Variants in CATSPER1 observed in about 807,000 individuals in gnomAD.
The protein encoded by CATSPER1 is cation channel sperm-associated protein 1.
CATSPER1 carries 57 observed loss-of-function variants against 72.7 expected under a neutral mutation model. The ratio of observed to expected loss-of-function variants is 0.78; its 90% confidence interval spans 0.63 to 0.98. CATSPER1 has a LOEUF of 0.98. Among genes scored for constraint, CATSPER1 ranks in the 50% least tolerant of loss-of-function variants. The pLI, the probability that CATSPER1 is intolerant of heterozygous loss-of-function variation, is 0.00. For missense variants in CATSPER1, 910 were observed against 1,033.9 expected, an observed-to-expected ratio of 0.88 and a Z score of 1.64; for synonymous variants, 363 against 403.0, an observed-to-expected ratio of 0.90 and a Z score of 1.19.
intron 2 of CATSPER1, among the ~76,000 whole-genome samples, 179 bp downstream of exon 2, chr11:66,022,669 GC>G (rs1856399836): frequency 6.6e-6 from 1 of 152,270 alleles, no homozygotes; most frequent in African/African-American, 2.4e-5. Context: ...TCTGTCTCGG[GC>G]CGGCCTCAGC....
At chr11:66,024,271 G>GTTT (rs796751086) in intron 1 of CATSPER1, among the ~76,000 whole-genome samples, 11 of 110,592 alleles carry the variant, frequency 9.9e-5, no homozygotes, top group South Asian at 5.1e-4. Context: ...CAGCCTATTT[G>GTTT]TTTTTTTTTT....
In CATSPER1 at chr11:66,021,613, T is replaced by C. The variant is rs1856371237; in HGVS notation, c.1574A>G (p.Asp525Gly). Residue 525 changes from aspartate to glycine, a missense_variant, in exon 4 of 12, where the codon GAC (aspartate) becomes GGC (glycine). Transcript: ENST00000312106. ...DFFIMAMAVLDFLLMQTHSFA... is the reference protein window; with the variant it reads ...DFFIMAMAVLGFLLMQTHSFA... Reference sequence around the variant, plus strand: ...GGAGTGGGTCTGCATCAGCAAGAAGTCCAGCACGGCCATGGCCATAATGAA... The same window carrying C: ...GGAGTGGGTCTGCATCAGCAAGAAGCCCAGCACGGCCATGGCCATAATGAA... The C allele has an allele frequency of 6.2e-7, 1 of 1,609,752 alleles. No homozygotes were observed. Among genetic ancestry groups the C allele is most frequent in the Admixed American group, 1.7e-5 (1 of 59,068 alleles).
In CATSPER1 at chr11:66,021,896, G is replaced by T. The variant is rs766140407; in HGVS notation, c.1430-17C>A. ...AGTACCACTCTGCAGGAACACAGGG[G>T]TGCACTCAGAGCTGTCCCCAGCACC... is the stretch of plus-strand genomic sequence containing the variant. On this transcript the variant is annotated splice_polypyrimidine_tract_variant and intron_variant, in intron 2 of 11. Transcript: ENST00000312106. 7.6e-6 allele frequency: 12 copies of T among 1,586,144 alleles called. No homozygotes were observed. The highest frequency in any genetic ancestry group is 1.1e-5 in the South Asian group (1 of 90,524).
At chr11:66,019,641 G>T (rs1338449988) in intron 9 of CATSPER1, among the ~76,000 whole-genome samples, 2 of 151,970 alleles carry the variant, frequency 1.3e-5, no homozygotes, top group African/African-American at 4.8e-5. Flanking sequence ...TGCAATCTCA[G>T]CACTTTGGGA....
intron 10 of CATSPER1, among the ~76,000 whole-genome samples, chr11:66,018,494 A>T (rs1487137570): frequency 6.6e-6 from 1 of 152,088 alleles, no homozygotes; most frequent in Non-Finnish European, 1.5e-5. Flanking sequence ...AGGTCTTTAG[A>T]GGTGGGGTCC....
In CATSPER1 at chr11:66,025,516, G is replaced by A; in HGVS notation, c.864C>T (p.His288=). 1 of 1,606,146 alleles carries A rather than the reference G, an allele frequency of 6.2e-7. No homozygotes were observed. Among genetic ancestry groups the A allele is most frequent in the South Asian group, 1.1e-5 (1 of 89,842 alleles). The change falls in exon 1 of 12, where the codon CAC becomes CAT. Residue 288 remains histidine (H), a synonymous_variant. Transcript: ENST00000312106. ...GGTGCCGGTGGGTCTGGTGGTAGTG[G>A]TGCTGTGTGTGGTGGGGATGGTCGC... The part of the protein sequence containing the change: ...HHGDHPHHTQ[H]HYHQTHRHRD...
intron 1 of CATSPER1, 142 bp downstream of exon 1, chr11:66,025,022 C>G: frequency 2.1e-6 from 2 of 962,238 alleles, no homozygotes; most frequent in Non-Finnish European, 3.3e-6. Flanking sequence ...CATGAACAGT[C>G]AGGAGAGTGA....
chr11:66,020,515 G>A lies in CATSPER1; in HGVS notation c.1991+49C>T, dbSNP rs766178918. On this transcript the variant is annotated intron_variant, in intron 7 of 11. Transcript: ENST00000312106. This position sits in a 1 kb window ranked among gnomAD's most constrained non-coding sequence, Gnocchi z 4.5. ...GCTGGGGTAAGGGTCCCAGGGGAGA[G>A]GAGGAAGTGTGGGTGGTGCTGGGCA... 1.9e-6 allele frequency: 3 copies of A among 1,598,546 alleles called. No individual in the cohort carries two copies. Among genetic ancestry groups the A allele is most frequent in the East Asian group, 4.5e-5 (2 of 44,798 alleles).
intron 9 of CATSPER1, among the ~76,000 whole-genome samples, chr11:66,019,511 A>T (rs943936275): frequency 1.3e-5 from 2 of 152,026 alleles, no homozygotes; most frequent in African/African-American, 4.8e-5. Context: ...TGCTGACCTC[A>T]GGTGATCCGC....
rs1856344079 is a variant in CATSPER1, at chr11:66,020,683, G to A, written c.1928-56C>T. ...GGCTGTGCTCGCCACCCCCAACCAC[G>A]ACCTGCTCCCTTCCCATACCCGGAC... On this transcript the variant is annotated intron_variant, in intron 6 of 11. Coordinates refer to ENST00000312106, the MANE Select transcript of CATSPER1 (RefSeq NM_053054.4). The surrounding 1 kb of genome is among the most constrained non-coding windows in gnomAD (Gnocchi z 4.5). The A allele has an allele frequency of 2.8e-5, 45 of 1,594,544 alleles. 1 individual carries two copies. The South Asian group carries it at 4.2e-4, about 15-fold the overall frequency.
intron 2 of CATSPER1, 124 bp from the exon 3 acceptor site, chr11:66,022,003 C>A: frequency 1.3e-6 from 1 of 757,320 alleles, no homozygotes; most frequent in South Asian, 1.4e-5. Context: ...AGCAGCTGCG[C>A]GACTTCACTA....
intron 10 of CATSPER1, among the ~76,000 whole-genome samples, chr11:66,018,589 C>A (rs1397128907): frequency 2.6e-5 from 4 of 152,176 alleles, no homozygotes; most frequent in Non-Finnish European, 4.4e-5. Flanking sequence ...GGGGATGGTT[C>A]TGGGGTGAAG....
Position 66,025,166 on chromosome 11 carries a change from T to C in CATSPER1, c.1214A>G (p.Lys405Arg). Residue 405 changes from lysine (K) to arginine (R), a missense_variant and splice_region_variant, in exon 1 of 12, where the codon AAA (lysine) becomes AGA (arginine). Lys to Arg is a conservative substitution (Grantham distance 26). Transcript: ENST00000312106. ...GKEEGQFQKRKTGRLQRTRKK... is the reference protein window; with the variant it reads ...GKEEGQFQKRRTGRLQRTRKK... ...TGGGGGGCCCAGCAAAGACTCACTT[T>C]TGCGTTTCTGAAATTGCCCTTCTTC... 1 of 1,614,112 alleles carries C rather than the reference T, an allele frequency of 6.2e-7. No homozygotes were observed. The highest frequency in any genetic ancestry group is 1.1e-5 in the South Asian group (1 of 91,042).
At chr11:66,017,018 G>T in intron 11 of CATSPER1, 42 bp downstream of exon 11, 1 of 1,612,468 alleles carries the variant, frequency 6.2e-7, no homozygotes, top group Non-Finnish European at 8.5e-7. Context: ...CAAGCCCCTG[G>T]GGTTCCCCTC....
intron 4 of CATSPER1, 42 bp from the exon 5 acceptor site, chr11:66,021,227 CG>C: frequency 1.3e-6 from 2 of 1,570,230 alleles, no homozygotes; most frequent in Non-Finnish European, 1.7e-6. Flanking sequence ...CGGTGAGGGG[CG>C]GGGGTGTGTG....
chr11:66,020,245 C>A lies in CATSPER1; in HGVS notation c.2065-45G>T. ...GATCTGCCAGAGTCCCAGGCCTGCT[C>A]AACCCTGGAGGCCCCTGGCCTCACT... On this transcript the variant is annotated intron_variant, in intron 8 of 11. Transcript: ENST00000312106. This position sits in a 1 kb window ranked among gnomAD's most constrained non-coding sequence, Gnocchi z 4.5. 6.2e-7 allele frequency: 1 copy of A among 1,614,020 alleles called. No individual in the cohort carries two copies. The highest frequency in any genetic ancestry group is 8.5e-7 in the Non-Finnish European group (1 of 1,179,900).
rs372307795 is a variant in CATSPER1 at position 66,026,055 on chromosome 11, G to T, written c.325C>A (p.Arg109Ser). The change falls in exon 1 of 12, where the codon CGT becomes AGT. Residue 109 changes from arginine to serine, a missense_variant. Arg to Ser is a moderately radical substitution (Grantham distance 110). Coordinates refer to ENST00000312106, the MANE Select transcript of CATSPER1 (RefSeq NM_053054.4). The stretch of plus-strand genomic sequence containing the variant: ...TCATGGTAGTCCTCACCGTAGGAAC[G>T]GTGGGAGGGGACGGCGCCTTGAGAG... The part of the protein sequence containing the change: ...APSQGAVPSH[R>S]SYGEDYHDEL... 1.9e-6 allele frequency: 3 copies of T among 1,613,982 alleles called. No homozygotes were observed. In the Admixed American group the frequency reaches 5.0e-5, roughly 27 times the overall value.
chr11:66,017,982 T>C (rs1353022183), intron 10 of CATSPER1, among the ~76,000 whole-genome samples: 26 of 152,150 alleles, frequency 1.7e-4, no homozygotes, highest in Admixed American at 1.7e-3. Context: ...GTGGATCATT[T>C]GAGGTCAGGA....
In CATSPER1 at chr11:66,020,235, C is replaced by T. The variant is rs1356084138; in HGVS notation, c.2065-35G>A. Reference sequence around the variant, plus strand: ...AGAGGCCTCAGATCTGCCAGAGTCCCAGGCCTGCTCAACCCTGGAGGCCCC... The same window carrying T: ...AGAGGCCTCAGATCTGCCAGAGTCCTAGGCCTGCTCAACCCTGGAGGCCCC... On this transcript the variant is annotated intron_variant, in intron 8 of 11. Coordinates refer to ENST00000312106, the MANE Select transcript of CATSPER1 (RefSeq NM_053054.4). The surrounding 1 kb of genome is among the most constrained non-coding windows in gnomAD (Gnocchi z 4.5). The T allele has an allele frequency of 1.2e-6, 2 of 1,614,082 alleles. No individual in the cohort carries two copies. The highest frequency in any genetic ancestry group is 2.2e-5 in the South Asian group (2 of 91,084).
Sources: allele counts gnomAD v4.1 joint callset (sites outside exome capture counted in the v4.1 genomes callset), GRCh38; gene constraint gnomAD v4.1.1; non-coding constraint Gnocchi (gnomAD v3.1); transcripts MANE v1.5; gene names NCBI Gene and HGNC (gene_info 2026-07-23, HGNC 2026-07-21).